EPS15: variants seen among roughly 807,000 people sequenced by gnomAD.
EPS15 encodes epidermal growth factor receptor pathway substrate 15, also known as epidermal growth factor receptor substrate 15.
A neutral mutation model predicts 113.8 loss-of-function variants in EPS15; 72 were observed. That is an observed-to-expected ratio of 0.63 (90% confidence interval 0.52 to 0.77). The LOEUF (loss-of-function observed/expected upper bound fraction) is 0.77. Among genes scored for constraint, EPS15 ranks in the 30% least tolerant of loss-of-function variants. The probability of loss-of-function intolerance (pLI) is 0.00; values close to 1 mark genes in which losing one functional copy is unlikely to be tolerated. For missense variants in EPS15, 1,048 were observed against 1,045.8 expected (o/e 1.00, Z -0.03); for synonymous variants, 344 against 363.4 (o/e 0.95, Z 0.61).
intron 13 of EPS15, among the ~76,000 whole-genome samples, chr1:51,412,271 A>T (rs547248916): frequency 6.6e-6 from 1 of 152,194 alleles, no homozygotes; most frequent in South Asian, 2.1e-4. Context: ...AGAGCTTAAA[A>T]CCTAGATGAT....
At chr1:51,508,370 A>AAGAAAG (rs1212890719) in intron 1 of EPS15, among the ~76,000 whole-genome samples, 5 of 144,112 alleles carry the variant, frequency 3.5e-5, no homozygotes, top group African/African-American at 1.2e-4. Context: ...GAAAGAAAGA[A>AAGAAAG]AGAAAGAAAG....
chr1:51,357,971 T>A (rs1557762313), intron 24 of EPS15, among the ~76,000 whole-genome samples: 1 of 152,134 alleles, frequency 6.6e-6, no homozygotes, highest in Non-Finnish European at 1.5e-5. Context: ...ACTCCTGACC[T>A]CAGGTGATCC....
chr1:51,510,538 A>G (rs539513655), intron 1 of EPS15, among the ~76,000 whole-genome samples: 3 of 152,214 alleles, frequency 2.0e-5, no homozygotes, highest in Non-Finnish European at 4.4e-5. Flanking sequence ...CAACAGTGGC[A>G]TAAGAATGTT....
At position 51,447,114 on chromosome 1, in the gene EPS15, A is replaced by G. The variant is rs769200645; in HGVS notation, c.652-9T>C. The G allele has an allele frequency of 3.2e-6, 5 of 1,586,258 alleles. No homozygotes were observed. In the African/African-American group the frequency reaches 4.1e-5, roughly 13 times the overall value. On this transcript the variant is annotated splice_polypyrimidine_tract_variant and intron_variant, in intron 9 of 24. Coordinates refer to ENST00000371733, the MANE Select transcript of EPS15 (RefSeq NM_001981.3). ...GCAGGGGATACAACCCACTACAGGGAGGAAAAAAAACAGTATTTCTGCCAA... is the reference window on the plus strand; with the variant it reads ...GCAGGGGATACAACCCACTACAGGGGGGAAAAAAAACAGTATTTCTGCCAA...
intron 21 of EPS15, 54 bp downstream of exon 21, chr1:51,394,327 G>A: frequency 2.7e-6 from 3 of 1,130,256 alleles, no homozygotes; most frequent in African/African-American, 1.6e-5. Context: ...AAAGAAAAAA[G>A]AATCTTAAAA....
In EPS15 at chr1:51,508,382, AAG is replaced by A. The variant is rs763640113; in HGVS notation, c.33+10815_33+10816del. ...AAAGAAAGAAAGAAAGAAAGAAAGA[AAG>A]AGAAAATTTAAACAAATACATATAA... On this transcript the variant is annotated intron_variant, in intron 1 of 24. Transcript: ENST00000371733. 1.5e-3 allele frequency among the ~76,000 whole-genome samples: 214 copies of A among 147,096 alleles called. 1 individual carries two copies. Among genetic ancestry groups the A allele is most frequent in the African/African-American group, 4.2e-3 (164 of 38,942 alleles).
rs749863726 is a variant in EPS15 at position 51,355,562 on chromosome 1, G to A, written c.*1138C>T. ...CAATTAAAAAAACAAGAGTTTTTTT[G>A]CTAGCTTGACAATTTTATAGGTGAA... On this transcript the variant is annotated 3_prime_UTR_variant, in exon 25 of 25. Transcript: ENST00000371733. 1.0e-5 allele frequency: 2 copies of A among 191,088 alleles called. No homozygotes were observed. Among genetic ancestry groups the A allele is most frequent in the Non-Finnish European group, 2.2e-5 (2 of 91,520 alleles). 11.8% of individuals were successfully genotyped at this position (191,088 alleles called of 1,614,324 possible).
chr1:51,396,530 G>C (rs1176579145), intron 20 of EPS15, among the ~76,000 whole-genome samples: 1 of 152,088 alleles, frequency 6.6e-6, no homozygotes, highest in Non-Finnish European at 1.5e-5. Flanking sequence ...TCTTCTCTTT[G>C]AGAGAAGAAA....
At chr1:51,514,103 A>G (rs190016752) in intron 1 of EPS15, among the ~76,000 whole-genome samples, 19 of 152,214 alleles carry the variant, frequency 1.2e-4, no homozygotes, top group Non-Finnish European at 1.5e-5. Flanking sequence ...GGGTTAGATC[A>G]TTTGTCTAAA....
In EPS15 at chr1:51,399,104, C is replaced by T; in HGVS notation, c.1980G>A (p.Arg660=). ...SDPFASDCFF[R]QSTDPFATSS... ...AAGTGGCAAAAGGATCAGTAGATTG[C>T]CTGAAGAAACAGTCTGATGCAAATG... Residue 660 remains arginine, a synonymous_variant, in exon 20 of 25, where the codon AGG becomes AGA. Coordinates refer to ENST00000371733, the MANE Select transcript of EPS15 (RefSeq NM_001981.3). 1.2e-6 allele frequency: 2 copies of T among 1,613,850 alleles called. No homozygotes were observed. The highest frequency in any genetic ancestry group is 1.7e-6 in the Non-Finnish European group (2 of 1,179,842).
rs116500376 is a variant in EPS15, at chr1:51,483,917, C to A, written c.34-2603G>T. Among the ~76,000 whole-genome samples the A allele has an allele frequency of 9.4e-3, 1,437 of 152,146 alleles. 24 individuals carry two copies. Among genetic ancestry groups the A allele is most frequent in the African/African-American group, 0.033 (1,374 of 41,498 alleles). On this transcript the variant is annotated intron_variant, in intron 1 of 24. Transcript: ENST00000371733. ...CTTCAATCTAAGAGTTTGAGATCAG[C>A]CTGGGCAATGTAGAGAAACACCATC...
chr1:51,360,971 T>G (rs2148343716), intron 24 of EPS15, among the ~76,000 whole-genome samples, 200 bp downstream of exon 24: 1 of 152,314 alleles, frequency 6.6e-6, no homozygotes, highest in Non-Finnish European at 1.5e-5. Context: ...CTGGGACTAC[T>G]AAAATCATCT....
intron 9 of EPS15, 99 bp downstream of exon 9, chr1:51,447,947 T>C (rs1653198798): frequency 6.7e-7 from 1 of 1,503,268 alleles, no homozygotes; most frequent in Non-Finnish European, 8.9e-7. Context: ...GTCTTAATGG[T>C]GCTTTGGTAG....
chr1:51,514,275 G>A (rs1173149168), intron 1 of EPS15, among the ~76,000 whole-genome samples: 1 of 152,098 alleles, frequency 6.6e-6, no homozygotes, highest in Admixed American at 6.6e-5. Flanking sequence ...ACTCTGCCTG[G>A]AGTAACTTTT....
At chr1:51,395,579 A>G (rs1570188380) in intron 20 of EPS15, among the ~76,000 whole-genome samples, 1 of 152,188 alleles carries the variant, frequency 6.6e-6, no homozygotes, top group South Asian at 2.1e-4. Flanking sequence ...TCCTGCTTTC[A>G]ACAATAAGCT....
chr1:51,403,395 T>C (rs369651157), intron 17 of EPS15, 24 bp downstream of exon 17: 52 of 1,321,504 alleles, frequency 3.9e-5, no homozygotes, highest in Non-Finnish European at 5.6e-5. Flanking sequence ...AAGTCCCCAA[T>C]GTAAATATAA....
intron 1 of EPS15, among the ~76,000 whole-genome samples, chr1:51,497,975 CA>C (rs371365509): frequency 2.4e-3 from 169 of 71,612 alleles, no homozygotes; most frequent in Middle Eastern, 0.01. Flanking sequence ...GACCCCGTCT[CA>C]AAAAAAAAAA....
intron 21 of EPS15, among the ~76,000 whole-genome samples, chr1:51,377,485 C>T (rs1210090512): frequency 6.6e-6 from 1 of 152,160 alleles, no homozygotes; most frequent in Non-Finnish European, 1.5e-5. Context: ...CATGATAAAA[C>T]TGGAACCAAA....
intron 21 of EPS15, among the ~76,000 whole-genome samples, chr1:51,381,974 A>T (rs1294246612): frequency 6.6e-6 from 1 of 152,180 alleles, no homozygotes; most frequent in African/African-American, 2.4e-5. Context: ...GAGACAACAC[A>T]GAGAATAGAA....
Sources: gnomAD v4.1 joint callset for allele counts (sites outside exome capture counted in the v4.1 genomes callset) on GRCh38, gnomAD v4.1.1 for gene constraint, MANE v1.5 for transcripts, NCBI Gene and HGNC (gene_info 2026-07-23, HGNC 2026-07-21) for gene names.